Variants in SPATA9 observed in about 807,000 individuals in gnomAD.
SPATA9 encodes the protein spermatogenesis-associated protein 9.
In SPATA9, 27 loss-of-function variants were observed where a neutral mutation model predicts 25.5. The ratio of observed to expected loss-of-function variants is 1.06; its 90% CI spans 0.78 to 1.46. The LOEUF is 1.46. Ranked by LOEUF, SPATA9 falls within the 40% of genes most tolerant of loss-of-function variation. The pLI is 0.00. For synonymous variants in SPATA9, 102 were observed against 105.7 expected (o/e 0.97, Z 0.21); for missense variants, 282 against 297.5 (o/e 0.95, Z 0.38).
the SPATA9 span, among the ~76,000 whole-genome samples, chr5:95,724,194 G>A: frequency 6.6e-6 from 1 of 152,130 alleles, no homozygotes; most frequent in Non-Finnish European, 1.5e-5. Flanking sequence ...TTTATTTAAA[G>A]GCTCTCTGAA....
exon 1 of SPATA9, chr5:95,698,668 A>T (rs1156238526): frequency 2.0e-5 from 3 of 152,222 alleles, no homozygotes; most frequent in Non-Finnish European, 4.4e-5. Context: ...GAGGAAAAGC[A>T]GCTGACCAAA....
chr5:95,665,789 T>C (rs1249115478), intron 3 of SPATA9, among the ~76,000 whole-genome samples: 3 of 152,086 alleles, frequency 2.0e-5, no homozygotes, highest in African/African-American at 7.2e-5. Flanking sequence ...ATCAACATGG[T>C]GAAACCCCAT....
At chr5:95,659,803 C>T (rs1751096177) in intron 4 of SPATA9, among the ~76,000 whole-genome samples, 2 of 152,098 alleles carry the variant, frequency 1.3e-5, no homozygotes, top group South Asian at 4.1e-4. Flanking sequence ...GACACTTTCC[C>T]TCACTTCCCT....
chr5:95,700,759 A>T (rs908205792), upstream of SPATA9, among the ~76,000 whole-genome samples: 2 of 152,186 alleles, frequency 1.3e-5, no homozygotes, highest in Admixed American at 1.3e-4. Flanking sequence ...CTATAGTACA[A>T]TATCAAAACC....
chr5:95,707,327 CA>C, the SPATA9 span, among the ~76,000 whole-genome samples: 2 of 151,830 alleles, frequency 1.3e-5, no homozygotes, highest in Non-Finnish European at 2.9e-5. Context: ...ACCTTTAGAA[CA>C]AGAATAATTG....
At chr5:95,665,639 A>T (rs1263828856) in intron 3 of SPATA9, among the ~76,000 whole-genome samples, 1 of 151,648 alleles carries the variant, frequency 6.6e-6, no homozygotes, top group African/African-American at 2.4e-5. Context: ...ACGTAGGTTG[A>T]TTCTATATCC....
chr5:95,723,069 A>G, the SPATA9 span, among the ~76,000 whole-genome samples: 2 of 152,328 alleles, frequency 1.3e-5, no homozygotes, highest in Non-Finnish European at 2.9e-5. Context: ...GGATAGCTGG[A>G]TTTCACATGT....
At chr5:95,704,769 G>A in the SPATA9 span, among the ~76,000 whole-genome samples, 12 of 152,068 alleles carry the variant, frequency 7.9e-5, no homozygotes, top group Non-Finnish European at 1.5e-4. Context: ...CAAGATTGAG[G>A]CACTGACATT....
At chr5:95,682,411 TA>T (rs1753543654) in intron 2 of SPATA9, 116 bp downstream of exon 2, 2 of 728,934 alleles carry the variant, frequency 2.7e-6, no homozygotes, top group African/African-American at 3.6e-5. Flanking sequence ...GAGGCAAAAT[TA>T]GTGTTTTCTA....
chr5:95,661,316 CTT>C (rs1751239462), intron 4 of SPATA9, among the ~76,000 whole-genome samples: 2 of 151,954 alleles, frequency 1.3e-5, no homozygotes, highest in Admixed American at 6.6e-5. Flanking sequence ...ACTTACCTGT[CTT>C]TTCTCTTGAT....
At chr5:95,691,482 A>G (rs779648775) in intron 1 of SPATA9, among the ~76,000 whole-genome samples, 7 of 152,170 alleles carry the variant, frequency 4.6e-5, no homozygotes, top group Admixed American at 1.3e-4. Flanking sequence ...TCATTAAAAT[A>G]CTGATTTGAC....
At chr5:95,667,074 C>T (rs549637152) in intron 3 of SPATA9, among the ~76,000 whole-genome samples, 3 of 152,212 alleles carry the variant, frequency 2.0e-5, no homozygotes, top group South Asian at 2.1e-4. Flanking sequence ...AACACAGGTT[C>T]AGAGAAATTA....
intron 3 of SPATA9, among the ~76,000 whole-genome samples, chr5:95,668,629 A>T (rs1752052446): frequency 6.6e-6 from 1 of 152,216 alleles, no homozygotes; most frequent in East Asian, 1.9e-4. Context: ...GAGTTAAAAA[A>T]TGTCTTGGTA....
At chr5:95,662,793 G>GAGGTAC (rs1421580531) in intron 4 of SPATA9, among the ~76,000 whole-genome samples, 2 of 152,184 alleles carry the variant, frequency 1.3e-5, no homozygotes, top group Non-Finnish European at 2.9e-5. Flanking sequence ...AATATATGCA[G>GAGGTAC]AGGTACTCAA....
At chr5:95,679,347 A>C (rs1021575180) in intron 2 of SPATA9, among the ~76,000 whole-genome samples, 1 of 151,862 alleles carries the variant, frequency 6.6e-6, no homozygotes, top group Non-Finnish European at 1.5e-5. Context: ...TTTCCTTCCT[A>C]CTCCAGAGCA....
chr5:95,702,908 A>T (rs1754211528), upstream of SPATA9, among the ~76,000 whole-genome samples: 1 of 152,192 alleles, frequency 6.6e-6, no homozygotes, highest in Non-Finnish European at 1.5e-5. Context: ...AAAGAAAGAG[A>T]GCAAAAACTC....
In SPATA9 at chr5:95,682,529, T is replaced by C. The variant is rs774048215; in HGVS notation, c.149A>G (p.Gln50Arg). ...PTILRLSQSN[Q>R]KREPAQKTSK... ...TTAAAGGTTATAAAATCACATTACC[T>C]GATTAGACTGTGATAATCTTAGGAT... Residue 50 changes from glutamine to arginine, a missense_variant and splice_region_variant, in exon 2 of 5, where the codon CAG (glutamine) becomes CGG (arginine). Transcript: ENST00000274432. The C allele has an allele frequency of 3.1e-6, 5 of 1,588,958 alleles. No homozygotes were observed. Among genetic ancestry groups the C allele is most frequent in the Non-Finnish European group, 3.4e-6 (4 of 1,159,486 alleles).
At chr5:95,690,877 C>A (rs1006049640) in intron 1 of SPATA9, among the ~76,000 whole-genome samples, 2 of 152,130 alleles carry the variant, frequency 1.3e-5, no homozygotes, top group African/African-American at 4.8e-5. Context: ...AACAATATTT[C>A]TGGTTTATTT....
the SPATA9 span, chr5:95,730,835 A>C: frequency 4.4e-6 from 2 of 450,812 alleles, no homozygotes; most frequent in African/African-American, 4.0e-5. Flanking sequence ...ATTTTTTCTC[A>C]CAAGTATGAT....
Sources: gnomAD v4.1 joint callset for allele counts (sites outside exome capture counted in the v4.1 genomes callset) on GRCh38, gnomAD v4.1.1 for gene constraint, MANE v1.5 for transcripts, NCBI Gene and HGNC (gene_info 2026-07-23, HGNC 2026-07-21) for gene names.